Variants in CFAP77 observed in about 807,000 individuals in gnomAD.
CFAP77 encodes the protein cilia and flagella associated protein 77.
A neutral mutation model predicts 31.1 loss-of-function variants in CFAP77; 25 were observed. The observed-to-expected ratio is 0.80, with a 90% CI of 0.59 to 1.12. The LOEUF is 1.12. CFAP77 is among the 50% of genes most tolerant of loss of function. The pLI is 0.00. For synonymous variants in CFAP77, 151 were observed against 159.9 expected (o/e 0.94, Z 0.42); for missense variants, 377 against 397.3 (o/e 0.95, Z 0.44).
At chr9:132,422,673 C>T (rs537553575) in intron 1 of CFAP77, among the ~76,000 whole-genome samples, 4 of 152,184 alleles carry the variant, frequency 2.6e-5, no homozygotes, top group Admixed American at 6.5e-5. Flanking sequence ...TGAGGCTGGG[C>T]AGGAAGTCAG....
intron 1 of CFAP77, among the ~76,000 whole-genome samples, chr9:132,443,005 C>G (rs1011739450): frequency 1.3e-5 from 2 of 152,132 alleles, no homozygotes; most frequent in African/African-American, 4.8e-5. Flanking sequence ...AACCACTAAC[C>G]TGCCTTTTGT....
chr9:132,563,662 C>T (rs1478801177), intron 5 of CFAP77, among the ~76,000 whole-genome samples: 1 of 152,158 alleles, frequency 6.6e-6, no homozygotes, highest in Non-Finnish European at 1.5e-5. Context: ...CTCGTTGGTT[C>T]GTAGGGTGTA....
chr9:132,528,638 A>G (rs1852383062), intron 3 of CFAP77, among the ~76,000 whole-genome samples: 1 of 102,862 alleles, frequency 9.7e-6, no homozygotes, highest in Non-Finnish European at 2.0e-5. Context: ...AGAATCTACA[A>G]TGAACTCAAA....
At chr9:132,532,004 A>G (rs1200777858) in intron 3 of CFAP77, among the ~76,000 whole-genome samples, 1 of 152,202 alleles carries the variant, frequency 6.6e-6, no homozygotes, top group Non-Finnish European at 1.5e-5. Context: ...TTTTCAGATT[A>G]TGAATCTAGT....
At chr9:132,521,859 C>T (rs1455093197) in intron 3 of CFAP77, among the ~76,000 whole-genome samples, 3 of 149,844 alleles carry the variant, frequency 2.0e-5, no homozygotes, top group East Asian at 2.0e-4. Flanking sequence ...CTCTGCCTCC[C>T]GGGTTCAAGC....
intron 4 of CFAP77, among the ~76,000 whole-genome samples, chr9:132,538,317 T>C (rs953217477): frequency 2.6e-5 from 4 of 152,136 alleles, no homozygotes; most frequent in African/African-American, 9.7e-5. Flanking sequence ...AAGTCGAGGC[T>C]TGGGGAGGCA....
At position 132,501,317 on chromosome 9, in the gene CFAP77, A is replaced by G. The variant is rs143037520; in HGVS notation, c.524+1717A>G. On this transcript the variant is annotated intron_variant, in intron 3 of 5. Transcript: ENST00000393216. This position sits in a 1 kb window ranked among gnomAD's most constrained non-coding sequence, Gnocchi z 4.6. ...CAGCAGTTCTATTCTGTTTTTCTCT[A>G]AACAGCCCAGTGCAAAGGGCGTTGG... Among the ~76,000 whole-genome samples the G allele has an allele frequency of 1.2e-3, 179 of 152,242 alleles. 8 individuals carry two copies. In the East Asian group the frequency reaches 0.031, roughly 27 times the overall value.
Position 132,545,273 on chromosome 9 carries a change from A to G in CFAP77, c.732+2226A>G, listed in dbSNP as rs187299452. Among the ~76,000 whole-genome samples, 8 of 152,322 alleles carry G rather than the reference A, an allele frequency of 5.3e-5. No individual in the cohort carries two copies. In the East Asian group the frequency reaches 1.4e-3, roughly 26 times the overall value. ...AGGCACTGTGTGAGGTCATGTGTGC[A>G]TATTACTTCATTTCAGCCTCAGAAC... On this transcript the variant is annotated intron_variant, in intron 5 of 5. Coordinates refer to ENST00000393216, the MANE Select transcript of CFAP77 (RefSeq NM_001282957.2). The surrounding 1 kb of genome is among the most constrained non-coding windows in gnomAD (Gnocchi z 4.6).
chr9:132,519,723 AATGGATGG>A (rs1852231579), intron 3 of CFAP77, among the ~76,000 whole-genome samples: 1 of 28,484 alleles, frequency 3.5e-5, no homozygotes. Context: ...TAGATGGATG[AATGGATGG>A]GTGGATGGAT....
At chr9:132,418,057 G>T (rs1850137507) in intron 1 of CFAP77, among the ~76,000 whole-genome samples, 1 of 152,198 alleles carries the variant, frequency 6.6e-6, no homozygotes, top group African/African-American at 2.4e-5. Flanking sequence ...TTCCTTATTT[G>T]GAGAGTCTGG....
At chr9:132,449,994 G>T (rs1850797576) in intron 1 of CFAP77, among the ~76,000 whole-genome samples, 3 of 152,092 alleles carry the variant, frequency 2.0e-5, no homozygotes, top group Admixed American at 2.0e-4. Flanking sequence ...CTTACTGCAA[G>T]CTCCGCCTCC....
chr9:132,569,133 A>G (rs1015167430), intron 5 of CFAP77, among the ~76,000 whole-genome samples: 1 of 152,186 alleles, frequency 6.6e-6, no homozygotes, highest in Non-Finnish European at 1.5e-5. Flanking sequence ...GCTGTTACAA[A>G]TATCTTTCAG....
chr9:132,445,584 T>C (rs527473206), intron 1 of CFAP77, among the ~76,000 whole-genome samples: 10 of 152,106 alleles, frequency 6.6e-5, no homozygotes, highest in Admixed American at 5.9e-4. Flanking sequence ...ACAAAATAAA[T>C]ATGCTGGGCG....
intron 1 of CFAP77, among the ~76,000 whole-genome samples, chr9:132,415,418 C>T (rs915478660): frequency 2.0e-5 from 3 of 152,212 alleles, no homozygotes; most frequent in Non-Finnish European, 2.9e-5. Flanking sequence ...CCCCCTTCAC[C>T]GGCTCGTCAC....
chr9:132,492,573 C>T (rs1032076044), intron 1 of CFAP77, among the ~76,000 whole-genome samples: 69 of 152,376 alleles, frequency 4.5e-4, no homozygotes, highest in Non-Finnish European at 1.3e-4. Flanking sequence ...TCAGACCCAC[C>T]TTGGCCACTC....
intron 1 of CFAP77, among the ~76,000 whole-genome samples, chr9:132,442,682 C>T (rs537095788): frequency 8.6e-5 from 13 of 151,224 alleles, no homozygotes; most frequent in East Asian, 3.9e-4. Flanking sequence ...AGGCAAAATT[C>T]GCATGATATT....
chr9:132,430,175 A>C (rs996139408), intron 1 of CFAP77, among the ~76,000 whole-genome samples: 8 of 151,838 alleles, frequency 5.3e-5, no homozygotes, highest in African/African-American at 1.7e-4. Flanking sequence ...ATCATTCATA[A>C]ATTTTTTAAA....
chr9:132,557,320 CT>C (rs1852920835), intron 5 of CFAP77, among the ~76,000 whole-genome samples: 1 of 152,218 alleles, frequency 6.6e-6, no homozygotes, highest in Non-Finnish European at 1.5e-5. Context: ...GTGATGGATG[CT>C]TCCACGGCTT....
chr9:132,546,572 G>C (rs866416516), intron 5 of CFAP77, among the ~76,000 whole-genome samples: 1 of 152,254 alleles, frequency 6.6e-6, no homozygotes, highest in Non-Finnish European at 1.5e-5. Context: ...CGCCAGCCAC[G>C]AGGGGGCTGC....
Sources: gnomAD v4.1 joint callset for allele counts (sites outside exome capture counted in the v4.1 genomes callset) on GRCh38, gnomAD v4.1.1 for gene constraint, Gnocchi (gnomAD v3.1) non-coding constraint, MANE v1.5 for transcripts, NCBI Gene and HGNC (gene_info 2026-07-23, HGNC 2026-07-21) for gene names.